Variants in LENG8 observed in about 807,000 individuals in gnomAD.
LENG8 encodes the protein leukocyte receptor cluster (LRC) member 8.
Under a neutral mutation model 102.1 loss-of-function variants are expected in LENG8, and 28 were observed. The observed-to-expected ratio is 0.27, with a 90% CI of 0.20 to 0.38. The LOEUF (loss-of-function observed/expected upper bound fraction) is 0.38. LENG8 is among the 10% of genes least tolerant of loss of function. LENG8 has a pLI of 1.00. For missense variants in LENG8, 1,022 were observed against 1,113.9 expected, an observed-to-expected ratio of 0.92 and a Z score of 1.17; for synonymous variants, 531 against 456.7, an observed-to-expected ratio of 1.16 and a Z score of -2.07.
Position 54,456,074 on chromosome 19 carries a change from C to A in LENG8, c.1133C>A (p.Ala378Asp). The part of the protein sequence containing the change: ...GAGSATRGGG[A>D]PSQRGTPGAG... Reference sequence around the variant, plus strand: ...GGCTCGGCGACAAGGGGCGGGGGTGCCCCGTCCCAGCGAGGGACGCCCGGG... The same window carrying A: ...GGCTCGGCGACAAGGGGCGGGGGTGACCCGTCCCAGCGAGGGACGCCCGGG... The change falls in exon 9 of 16, where the codon GCC (alanine) becomes GAC (aspartate). Residue 378 changes from alanine (A) to aspartate (D), a missense_variant. Coordinates refer to ENST00000326764, the MANE Select transcript of LENG8 (RefSeq NM_052925.4). 1.2e-6 allele frequency: 2 copies of A among 1,608,812 alleles called. No homozygotes were observed. Among genetic ancestry groups the A allele is most frequent in the Non-Finnish European group, 1.7e-6 (2 of 1,176,874 alleles).
At position 54,457,990 on chromosome 19, in the gene LENG8, C is replaced by T. The variant is rs79561966; in HGVS notation, c.1890C>T (p.Ile630=). ...AGGTGTACGAGACCCATGCCCGGAT[C>T]GCCTTGGAGAAGGTGAGCTGGCCTC... ...TVEVYETHAR[I]ALEKGDHEEF... Residue 630 remains isoleucine, a synonymous_variant, in exon 13 of 16, where the codon ATC becomes ATT. Transcript: ENST00000326764. 23,256 of 1,613,640 alleles carry T rather than the reference C, an allele frequency of 0.014. 279 individuals carry two copies. The highest frequency in any genetic ancestry group is 0.046 in the South Asian group (4,211 of 91,088).
chr19:54,455,278 C>T lies in LENG8; in HGVS notation c.822-86C>T, dbSNP rs528214163. The T allele has an allele frequency of 2.4e-5, 37 of 1,534,518 alleles. No homozygotes were observed. The Middle Eastern group carries it at 6.8e-4, about 28-fold the overall frequency. On this transcript the variant is annotated intron_variant, in intron 7 of 15. Transcript: ENST00000326764. ...GAAGGAAAACTTGGGGACTGCGTCCCGCTGTGTCAGCTCAGAGTGGCGGTG... is the reference window on the plus strand; with the variant it reads ...GAAGGAAAACTTGGGGACTGCGTCCTGCTGTGTCAGCTCAGAGTGGCGGTG...
rs1268124386 is a variant in LENG8, at chr19:54,455,299, C to T, written c.822-65C>T. The T allele has an allele frequency of 7.7e-6, 12 of 1,563,426 alleles. No homozygotes were observed. The East Asian group carries it at 1.1e-4, about 15-fold the overall frequency. ...GTCCCGCTGTGTCAGCTCAGAGTGG[C>T]GGTGGGGATGGTCTTTTGAGTTTGG... On this transcript the variant is annotated intron_variant, in intron 7 of 15. Coordinates refer to ENST00000326764, the MANE Select transcript of LENG8 (RefSeq NM_052925.4).
chr19:54,461,705 C>G lies in LENG8; in HGVS notation c.*777C>G, dbSNP rs1285531783. The G allele has an allele frequency of 4.1e-6, 2 of 493,282 alleles. No individual in the cohort carries two copies. The highest frequency in any genetic ancestry group is 2.3e-5 in the Admixed American group (1 of 43,072). 30.6% of individuals were successfully genotyped at this position (493,282 alleles called of 1,614,324 possible). A position where few individuals can be genotyped will look rare whatever the true frequency, so the allele number is the denominator to read the frequency against. The stretch of plus-strand genomic sequence containing the variant: ...TAAAACGGTTCCCCTCCCTCCCTGC[C>G]TTCATGGATCACCAGCTCACGTCAT... On this transcript the variant is annotated 3_prime_UTR_variant, in exon 16 of 16. Coordinates refer to ENST00000326764, the MANE Select transcript of LENG8 (RefSeq NM_052925.4).
intron 11 of LENG8, among the ~76,000 whole-genome samples, chr19:54,457,351 C>CT (rs1172735314): frequency 1.3e-5 from 2 of 152,138 alleles, no homozygotes; most frequent in East Asian, 1.9e-4. Context: ...TTTGTTTTCT[C>CT]TTTTTTTGGG....
chr19:54,460,719 G>GGGCGC, intron 15 of LENG8, 47 bp from the exon 16 acceptor site: 6 of 778,902 alleles, frequency 7.7e-6, no homozygotes, highest in Non-Finnish European at 1.1e-5. Context: ...GCCCTCCCCT[G>GGGCGC]CCCTCCCGCC....
intron 4 of LENG8, 127 bp downstream of exon 4, chr19:54,452,879 C>T: frequency 2.9e-6 from 2 of 696,296 alleles, no homozygotes; most frequent in Admixed American, 5.1e-5. Flanking sequence ...GATAACTGCT[C>T]AGAAACCCTC....
intron 4 of LENG8, among the ~76,000 whole-genome samples, chr19:54,453,039 T>C (rs1295616730): frequency 6.6e-6 from 1 of 152,230 alleles, no homozygotes; most frequent in Non-Finnish European, 1.5e-5. Flanking sequence ...AGGCCCGCTC[T>C]CGCTTTGCCC....
At chr19:54,456,591 G>A in intron 10 of LENG8, 45 bp from the exon 11 acceptor site, 1 of 1,566,546 alleles carries the variant, frequency 6.4e-7, no homozygotes, top group Middle Eastern at 1.7e-4. Context: ...GCTGAAGGGG[G>A]GCTGGAGACG....
chr19:54,454,892 C>A, intron 6 of LENG8, 59 bp from the exon 7 acceptor site: 3 of 1,608,486 alleles, frequency 1.9e-6, no homozygotes, highest in Non-Finnish European at 2.6e-6. Context: ...CTCCCGTCCC[C>A]TGGGGACCCC....
At position 54,454,559 on chromosome 19, in the gene LENG8, G is replaced by A. The variant is rs1569294047; in HGVS notation, c.556G>A (p.Gly186Arg). 2 of 1,612,576 alleles carry A rather than the reference G, an allele frequency of 1.2e-6. No individual in the cohort carries two copies. Among genetic ancestry groups the A allele is most frequent in the Non-Finnish European group, 1.7e-6 (2 of 1,179,696 alleles). The change falls in exon 6 of 16, where the codon GGG (glycine) becomes AGG (arginine). Residue 186 changes from glycine (G) to arginine (R), a missense_variant. By Grantham distance (125) the Gly-to-Arg change is moderately radical. Transcript: ENST00000326764. ...CACGCTGAACAGTGGCCCTCAGCCT[G>A]GGACAGCTCCAGCCACACAGCACAG... ...AHTLNSGPQP[G>R]TAPATQHSQA...
chr19:54,459,151 G>C, intron 15 of LENG8: 1 of 1,272,370 alleles, frequency 7.9e-7, no homozygotes, highest in Non-Finnish European at 9.9e-7. Context: ...TGGTGATTGA[G>C]GTGCCCAGGC....
At position 54,452,537 on chromosome 19, in the gene LENG8, A is replaced by G. The variant is rs561630996; in HGVS notation, c.214-114A>G. The G allele has an allele frequency of 4.7e-5, 41 of 876,814 alleles. No homozygotes were observed. The East Asian group carries it at 8.6e-4, about 18-fold the overall frequency. The allele number at this position is 876,814 out of a possible 1,614,324, so 54.3% of individuals were successfully genotyped here. On this transcript the variant is annotated intron_variant, in intron 3 of 15. Transcript: ENST00000326764. ...AGACAGTGGCTCACTTTGCAGATAC[A>G]TGGACCCAGTTTCATCCCTTGGCAA... is the stretch of plus-strand genomic sequence containing the variant.
chr19:54,452,544 C>A, intron 3 of LENG8, 107 bp from the exon 4 acceptor site: 1 of 915,166 alleles, frequency 1.1e-6, no homozygotes, highest in Non-Finnish European at 1.8e-6. Flanking sequence ...TACATGGACC[C>A]AGTTTCATCC....
At chr19:54,453,026 G>A (rs990360385) in intron 4 of LENG8, among the ~76,000 whole-genome samples, 1 of 152,168 alleles carries the variant, frequency 6.6e-6, no homozygotes. Flanking sequence ...GCCCGCACCC[G>A]CCAGGCCCGC....
At chr19:54,449,377 GC>G (rs1215418103) in intron 1 of LENG8, 67 bp downstream of exon 1, 3 of 152,206 alleles carry the variant, frequency 2.0e-5, no homozygotes, top group Non-Finnish European at 4.4e-5. Flanking sequence ...CGCCCCGCGA[GC>G]CCCGAGGCCT....
At chr19:54,458,841 G>A in intron 15 of LENG8, 1 of 1,550,756 alleles carries the variant, frequency 6.4e-7, no homozygotes. Context: ...TTCACTCCTT[G>A]CCCTGGGCTT....
chr19:54,450,900 G>A (rs563109274), intron 1 of LENG8, among the ~76,000 whole-genome samples: 1 of 152,260 alleles, frequency 6.6e-6, no homozygotes, highest in Non-Finnish European at 1.5e-5. Flanking sequence ...GATTACAGGC[G>A]TGAGCCACCG....
rs1321512466 is a variant in LENG8, at chr19:54,458,173, A to G, written c.1973A>G (p.Asn658Ser). 3.1e-6 allele frequency: 5 copies of G among 1,614,070 alleles called. No individual in the cohort carries two copies. Among genetic ancestry groups the G allele is most frequent in the South Asian group, 2.2e-5 (2 of 91,086 alleles). Residue 658 changes from asparagine to serine, a missense_variant, in exon 14 of 16, where the codon AAT (asparagine) becomes AGT (serine). Physicochemically the swap from Asn to Ser is conservative, Grantham distance 46. Coordinates refer to ENST00000326764, the MANE Select transcript of LENG8 (RefSeq NM_052925.4). ...KSLYAENLPG[N>S]VGEFTAYRIL... The stretch of plus-strand genomic sequence containing the variant: ...CTGTACGCCGAGAACTTGCCTGGCA[A>G]TGTGGGCGAGTTTACTGCCTACCGA...
Sources: gnomAD v4.1 joint callset for allele counts (sites outside exome capture counted in the v4.1 genomes callset) on GRCh38, gnomAD v4.1.1 for gene constraint, MANE v1.5 for transcripts, NCBI Gene and HGNC (gene_info 2026-07-23, HGNC 2026-07-21) for gene names.